NEGR1: variants seen among roughly 807,000 people sequenced by gnomAD.
NEGR1 encodes the protein IgLON family member 4.
Under a neutral mutation model 40.9 loss-of-function variants are expected in NEGR1, and 10 were observed. The ratio of observed to expected loss-of-function variants is 0.24; its 90% CI spans 0.15 to 0.42. The LOEUF (loss-of-function observed/expected upper bound fraction) is 0.42. NEGR1 is among the 10% of genes least tolerant of loss of function. The pLI, the probability that NEGR1 is intolerant of heterozygous loss-of-function variation, is 1.00. For synonymous variants in NEGR1, 185 were observed against 166.8 expected (o/e 1.11, Z -0.84); for missense variants, 352 against 438.9 (o/e 0.80, Z 1.77).
At chr1:71,643,561 C>A (rs1651428411) in intron 4 of NEGR1, among the ~76,000 whole-genome samples, 1 of 151,932 alleles carries the variant, frequency 6.6e-6, no homozygotes. Flanking sequence ...TCTTAGGAAG[C>A]AGGATGGATA....
chr1:72,098,758 C>G (rs1217786095), intron 1 of NEGR1, among the ~76,000 whole-genome samples: 1 of 152,048 alleles, frequency 6.6e-6, no homozygotes, highest in Admixed American at 6.6e-5. Context: ...CGTAGGAAGT[C>G]TATAGTTAAT....
chr1:72,131,145 G>A (rs999374636), intron 1 of NEGR1, among the ~76,000 whole-genome samples: 4 of 151,948 alleles, frequency 2.6e-5, no homozygotes, highest in African/African-American at 9.7e-5. Context: ...CCTTTTTCTT[G>A]ATCAAGCTTA....
intron 6 of NEGR1, among the ~76,000 whole-genome samples, chr1:71,482,649 T>G (rs769929479): frequency 2.6e-4 from 40 of 151,922 alleles, no homozygotes; most frequent in Admixed American, 2.0e-4. Context: ...TGATATTTAT[T>G]ACTTTTAAAA....
chr1:72,083,990 A>G (rs574024222), intron 1 of NEGR1, among the ~76,000 whole-genome samples: 1 of 152,258 alleles, frequency 6.6e-6, no homozygotes, highest in African/African-American at 2.4e-5. Flanking sequence ...ATTATACCAC[A>G]ATACAGAATA....
At chr1:72,029,020 A>G (rs1397707678) in intron 1 of NEGR1, among the ~76,000 whole-genome samples, 4 of 152,230 alleles carry the variant, frequency 2.6e-5, no homozygotes, top group Non-Finnish European at 5.9e-5. Context: ...ACGCTAAAGG[A>G]AAAAGCATAA....
intron 1 of NEGR1, among the ~76,000 whole-genome samples, chr1:72,053,694 T>C (rs976632419): frequency 1.3e-5 from 2 of 151,236 alleles, no homozygotes; most frequent in African/African-American, 4.8e-5. Flanking sequence ...CTTATACAGA[T>C]AAATTAAAGA....
chr1:71,952,565 T>C (rs1183770445), intron 1 of NEGR1, among the ~76,000 whole-genome samples: 6 of 152,138 alleles, frequency 3.9e-5, no homozygotes, highest in Non-Finnish European at 2.9e-5. Flanking sequence ...CAAATGCTGA[T>C]ATAGAAGCTG....
At chr1:71,657,844 A>C (rs987204874) in intron 4 of NEGR1, among the ~76,000 whole-genome samples, 11 of 152,216 alleles carry the variant, frequency 7.2e-5, no homozygotes, top group Non-Finnish European at 1.2e-4. Context: ...AAATGTTTTC[A>C]AAATCTGTAG....
chr1:72,067,182 CTTTTAA>C (rs1446925070), intron 1 of NEGR1, among the ~76,000 whole-genome samples: 1 of 151,900 alleles, frequency 6.6e-6, no homozygotes, highest in Non-Finnish European at 1.5e-5. Flanking sequence ...AATTATATAC[CTTTTAA>C]TTTTAAGATT....
intron 2 of NEGR1, among the ~76,000 whole-genome samples, chr1:71,796,558 T>G (rs1013007622): frequency 6.6e-6 from 1 of 152,088 alleles, no homozygotes; most frequent in Non-Finnish European, 1.5e-5. Context: ...TGACCAAGGT[T>G]TTTTGTTTTG....
intron 2 of NEGR1, among the ~76,000 whole-genome samples, chr1:71,808,617 T>C (rs1014994389): frequency 6.6e-6 from 1 of 152,108 alleles, no homozygotes; most frequent in South Asian, 2.1e-4. Context: ...AACAAAAGAA[T>C]GTACTTCACC....
chr1:71,778,186 T>G (rs7537419), intron 2 of NEGR1, among the ~76,000 whole-genome samples: 69,474 of 151,418 alleles, frequency 0.46, 16,241 homozygotes, highest in Middle Eastern at 0.6. Context: ...TATATATATA[T>G]AGAGAGAGAG....
chr1:71,480,524 G>T (rs549478565), intron 6 of NEGR1, among the ~76,000 whole-genome samples: 2 of 151,906 alleles, frequency 1.3e-5, no homozygotes, highest in South Asian at 4.1e-4. Flanking sequence ...GGAGCTCCAT[G>T]AGGGCATGGA....
chr1:71,997,180 G>A (rs1180342997), intron 1 of NEGR1, among the ~76,000 whole-genome samples: 1 of 151,968 alleles, frequency 6.6e-6, no homozygotes. Context: ...GACTAAAATC[G>A]AAGTTCTCAT....
chr1:72,256,881 T>A (rs892871552), intron 1 of NEGR1, among the ~76,000 whole-genome samples: 4 of 152,180 alleles, frequency 2.6e-5, no homozygotes, highest in African/African-American at 9.7e-5. Flanking sequence ...TTAAGATCTG[T>A]GGTTTAACTT....
intron 1 of NEGR1, among the ~76,000 whole-genome samples, chr1:72,209,750 G>C (rs1653532562): frequency 6.6e-6 from 1 of 151,758 alleles, no homozygotes; most frequent in South Asian, 2.1e-4. Context: ...ATACACGCAT[G>C]TATCTTAATC....
At chr1:71,684,418 G>A (rs1344990857) in intron 4 of NEGR1, among the ~76,000 whole-genome samples, 2 of 151,856 alleles carry the variant, frequency 1.3e-5, no homozygotes, top group Non-Finnish European at 2.9e-5. Context: ...TATTTTTAAC[G>A]TCTTTCTAAG....
intron 1 of NEGR1, among the ~76,000 whole-genome samples, chr1:72,252,530 A>G (rs1030244198): frequency 2.0e-5 from 3 of 152,370 alleles, no homozygotes; most frequent in Admixed American, 2.0e-4. Context: ...ATTCTAGTAC[A>G]TATCTGTAAC....
chr1:72,193,293 A>G (rs190296439), intron 1 of NEGR1, among the ~76,000 whole-genome samples: 17 of 151,940 alleles, frequency 1.1e-4, no homozygotes, highest in Admixed American at 9.9e-4. Context: ...AATGATCAAG[A>G]AAGTTCTAGT....
Sources: gnomAD v4.1 joint callset for allele counts (sites outside exome capture counted in the v4.1 genomes callset) on GRCh38, gnomAD v4.1.1 for gene constraint, MANE v1.5 for transcripts, NCBI Gene and HGNC (gene_info 2026-07-23, HGNC 2026-07-21) for gene names.